Variants in SYK observed in about 807,000 individuals in gnomAD.
SYK encodes tyrosine-protein kinase SYK.
SYK carries 16 observed loss-of-function variants against 77.8 expected under a neutral mutation model. The ratio of observed to expected loss-of-function variants is 0.21; its 90% confidence interval spans 0.14 to 0.31. SYK has a LOEUF of 0.31. Among genes scored for constraint, SYK ranks in the 10% least tolerant of loss-of-function variants. The pLI is 1.00. For synonymous variants in SYK, 312 were observed against 308.7 expected (o/e 1.01, Z -0.11); for missense variants, 529 against 814.4 (o/e 0.65, Z 4.26).
At chr9:90,877,428 C>A in intron 9 of SYK, 143 bp from the exon 10 acceptor site, 1 of 828,478 alleles carries the variant, frequency 1.2e-6, no homozygotes, top group Non-Finnish European at 1.9e-6. Flanking sequence ...CCATCCATTA[C>A]AGGCTTCTGA....
chr9:90,816,812 C>T (rs1210476541), intron 1 of SYK, among the ~76,000 whole-genome samples: 3 of 152,174 alleles, frequency 2.0e-5, no homozygotes, highest in Non-Finnish European at 4.4e-5. Flanking sequence ...CTGTGCTTGA[C>T]TTATTTCACT....
chr9:90,889,494 G>A (rs1456819370), intron 13 of SYK, among the ~76,000 whole-genome samples: 2 of 152,208 alleles, frequency 1.3e-5, no homozygotes, highest in African/African-American at 2.4e-5. Context: ...GAAAGATGAG[G>A]GCTATTCCAA....
At chr9:90,853,378 C>T (rs995984043) in intron 3 of SYK, among the ~76,000 whole-genome samples, 1 of 151,464 alleles carries the variant, frequency 6.6e-6, no homozygotes, top group African/African-American at 2.4e-5. Flanking sequence ...TGGGTATATA[C>T]CCAAAGGACT....
chr9:90,889,479 C>A (rs1465353821), intron 13 of SYK, among the ~76,000 whole-genome samples: 1 of 152,228 alleles, frequency 6.6e-6, no homozygotes, highest in Non-Finnish European at 1.5e-5. Context: ...ATTGCCAGAG[C>A]CTCTGAAAGA....
chr9:90,889,589 A>G (rs1828713334), intron 13 of SYK, among the ~76,000 whole-genome samples: 1 of 152,226 alleles, frequency 6.6e-6, no homozygotes, highest in South Asian at 2.1e-4. Flanking sequence ...GTGACAGGGA[A>G]ATAATCTCAT....
At chr9:90,815,622 C>T (rs1474672321) in intron 1 of SYK, among the ~76,000 whole-genome samples, 5 of 152,256 alleles carry the variant, frequency 3.3e-5, no homozygotes, top group African/African-American at 7.2e-5. Context: ...CTGCAAAAGG[C>T]GCGATCAAGA....
At chr9:90,889,832 T>C (rs1828721183) in intron 13 of SYK, among the ~76,000 whole-genome samples, 1 of 152,224 alleles carries the variant, frequency 6.6e-6, no homozygotes, top group Non-Finnish European at 1.5e-5. Context: ...GGCTTAATTC[T>C]CCCAGTGCCT....
intron 13 of SYK, among the ~76,000 whole-genome samples, chr9:90,890,605 G>T (rs1828749249): frequency 6.6e-6 from 1 of 152,228 alleles, no homozygotes; most frequent in Non-Finnish European, 1.5e-5. Flanking sequence ...CAGGCTTGGA[G>T]GAGTCAGCTC....
chr9:90,825,801 G>A lies in SYK; in HGVS notation c.-41-18057G>A, dbSNP rs1204699482. Among the ~76,000 whole-genome samples the A allele has an allele frequency of 2.0e-5, 3 of 152,220 alleles. No homozygotes were observed. The East Asian group carries it at 5.8e-4, about 29-fold the overall frequency. On this transcript the variant is annotated intron_variant, in intron 1 of 13. Coordinates refer to ENST00000375754, the MANE Select transcript of SYK (RefSeq NM_003177.7). The stretch of plus-strand genomic sequence containing the variant: ...TTTGGAGACAAGTAGGCATGTGTGG[G>A]AGGCTGAGACGTGAGATGGGAGGGA...
At chr9:90,879,655 T>A (rs1363210977) in intron 11 of SYK, among the ~76,000 whole-genome samples, 1 of 152,230 alleles carries the variant, frequency 6.6e-6, no homozygotes, top group Non-Finnish European at 1.5e-5. Context: ...AGAGTTGAAG[T>A]GTCAAAAAAT....
chr9:90,860,604 G>A (rs1023900188), intron 3 of SYK, among the ~76,000 whole-genome samples: 4 of 152,146 alleles, frequency 2.6e-5, no homozygotes, highest in Non-Finnish European at 4.4e-5. Flanking sequence ...ACCTGCTGAG[G>A]CCACAGAGAA....
intron 3 of SYK, among the ~76,000 whole-genome samples, chr9:90,861,170 C>T (rs906776480): frequency 3.3e-5 from 5 of 152,146 alleles, no homozygotes; most frequent in African/African-American, 4.8e-5. Context: ...ACTGGGACCT[C>T]GAACTCCCCA....
At chr9:90,821,163 G>A (rs1344697326) in intron 1 of SYK, among the ~76,000 whole-genome samples, 1 of 152,100 alleles carries the variant, frequency 6.6e-6, no homozygotes, top group Non-Finnish European at 1.5e-5. Flanking sequence ...AAGTCTCTAG[G>A]AGGTTCCAAA....
chr9:90,883,888 A>T (rs1828258035), intron 11 of SYK, among the ~76,000 whole-genome samples: 1 of 152,098 alleles, frequency 6.6e-6, no homozygotes, highest in South Asian at 2.1e-4. Flanking sequence ...TACTAACACC[A>T]GTGCTAGTGT....
chr9:90,888,695 A>G (rs1828674218), intron 13 of SYK, 68 bp downstream of exon 13: 2 of 1,105,220 alleles, frequency 1.8e-6, no homozygotes, highest in East Asian at 5.9e-5. Flanking sequence ...TTGGGCGTCT[A>G]AAAAAAAGGA....
rs942174440 is a variant in SYK, at chr9:90,863,479, G to A, written c.718-1110G>A. 2.6e-5 allele frequency among the ~76,000 whole-genome samples: 4 copies of A among 151,876 alleles called. No individual in the cohort carries two copies. The East Asian group carries it at 7.7e-4, about 29-fold the overall frequency. On this transcript the variant is annotated intron_variant, in intron 4 of 13. Coordinates refer to ENST00000375754, the MANE Select transcript of SYK (RefSeq NM_003177.7). ...GCACTTAAACTTACTACTTCCAAATGTGATTTGCTTTCTAGTGCTGTAATT... is the reference window on the plus strand; with the variant it reads ...GCACTTAAACTTACTACTTCCAAATATGATTTGCTTTCTAGTGCTGTAATT...
At chr9:90,845,362 T>C (rs1826547507) in intron 2 of SYK, 72 bp from the exon 3 acceptor site, 9 of 1,512,978 alleles carry the variant, frequency 5.9e-6, no homozygotes, top group East Asian at 4.6e-5. Context: ...TCGAGATAGA[T>C]TGGAAATGCC....
At chr9:90,853,310 T>G (rs568112070) in intron 3 of SYK, among the ~76,000 whole-genome samples, 8 of 150,650 alleles carry the variant, frequency 5.3e-5, no homozygotes, top group African/African-American at 2.0e-4. Flanking sequence ...TGGCAGAGCT[T>G]GACACCTCAC....
chr9:90,810,975 A>C (rs1052363053), intron 1 of SYK, among the ~76,000 whole-genome samples: 4 of 152,200 alleles, frequency 2.6e-5, no homozygotes, highest in Non-Finnish European at 4.4e-5. Flanking sequence ...TGGAAAAAAA[A>C]ACAAAACTTT....
Sources: gnomAD v4.1 joint callset for allele counts (sites outside exome capture counted in the v4.1 genomes callset) on GRCh38, gnomAD v4.1.1 for gene constraint, MANE v1.5 for transcripts, NCBI Gene and HGNC (gene_info 2026-07-23, HGNC 2026-07-21) for gene names.